Variants in POU4F3 observed in about 807,000 individuals in gnomAD.
POU4F3 encodes POU domain, class 4, transcription factor 3.
POU4F3 carries 7 observed loss-of-function variants against 22.0 expected under a neutral mutation model. The ratio of observed to expected loss-of-function variants is 0.32; its 90% CI spans 0.18 to 0.60. POU4F3 has a LOEUF of 0.60. Among genes scored for constraint, POU4F3 ranks in the 20% least tolerant of loss-of-function variants. The pLI is 0.85. For synonymous variants in POU4F3, 220 were observed against 194.5 expected, an observed-to-expected ratio of 1.13 and a Z score of -1.09; for missense variants, 457 against 467.4, an observed-to-expected ratio of 0.98 and a Z score of 0.21.
Position 146,339,192 on chromosome 5 carries a change from G to T in POU4F3, c.80G>T (p.Gly27Val), listed in dbSNP as rs1286794791. ...CCCAAATTCTCCAGTCTGCACTCTG[G>T]CTCCGAGGCCATGCGCCGAGTCTGT... ...QEPKFSSLHS[G>V]SEAMRRVCLP... Residue 27 changes from glycine (G) to valine (V), a missense_variant, in exon 1 of 2, where the codon GGC becomes GTC. Around this residue, in one of 2 missense-constraint regions of POU4F3, gnomAD observed 410 missense variants for 385.0 expected, o/e 1.06. Coordinates refer to ENST00000646991, the MANE Select transcript of POU4F3 (RefSeq NM_002700.3). The surrounding 1 kb of genome is among the most constrained non-coding windows in gnomAD (Gnocchi z 4.7). 1 of 1,614,236 alleles carries T rather than the reference G, an allele frequency of 6.2e-7. No individual in the cohort carries two copies.
At position 146,339,623 on chromosome 5, in the gene POU4F3, G is replaced by T; in HGVS notation, c.196G>T (p.Val66Phe). 1.2e-6 allele frequency: 2 copies of T among 1,614,194 alleles called. No homozygotes were observed. The highest frequency in any genetic ancestry group is 1.1e-5 in the South Asian group (1 of 91,088). The change falls in exon 2 of 2, where the codon GTC becomes TTC. Residue 66 changes from valine to phenylalanine, a missense_variant. Transcript: ENST00000646991. This position sits in a 1 kb window ranked among gnomAD's most constrained non-coding sequence, Gnocchi z 4.7. Reference sequence around the variant, plus strand: ...CGAAGCTCTGGCGGCGGTGGATATCGTCTCCCACGGCAAGAACCATCCGTT... The same window carrying T: ...CGAAGCTCTGGCGGCGGTGGATATCTTCTCCCACGGCAAGAACCATCCGTT... ...RAEALAAVDI[V>F]SHGKNHPFKP...
At position 146,340,023 on chromosome 5, in the gene POU4F3, T is replaced by G; in HGVS notation, c.596T>G (p.Ile199Ser). The G allele has an allele frequency of 6.2e-7, 1 of 1,613,874 alleles. No homozygotes were observed. The highest frequency in any genetic ancestry group is 8.5e-7 in the Non-Finnish European group (1 of 1,180,006). Residue 199 changes from isoleucine (I) to serine (S), a missense_variant, in exon 2 of 2, where the codon ATC becomes AGC. Around this residue, in one of 2 missense-constraint regions of POU4F3, gnomAD observed 410 missense variants for 385.0 expected, o/e 1.06. Transcript: ENST00000646991. ...GCCGAGCGCTTCAAGCAGCGGCGCA[T>G]CAAGCTGGGGGTGACCCAGGCGGAC... ...AFAERFKQRR[I>S]KLGVTQADVG...
chr5:146,339,324 C>T lies in POU4F3; in HGVS notation c.120+92C>T. On this transcript the variant is annotated intron_variant, in intron 1 of 1. Transcript: ENST00000646991. This position sits in a 1 kb window ranked among gnomAD's most constrained non-coding sequence, Gnocchi z 4.7. ...TTCATGTCGCCCAGAACAATCGCCGCTGTCTGAACCCCTCTCCTTGTCTCC... is the reference window on the plus strand; with the variant it reads ...TTCATGTCGCCCAGAACAATCGCCGTTGTCTGAACCCCTCTCCTTGTCTCC... 6.3e-7 allele frequency: 1 copy of T among 1,583,906 alleles called. No homozygotes were observed. Among genetic ancestry groups the T allele is most frequent in the African/African-American group, 1.3e-5 (1 of 74,364 alleles).
chr5:146,339,559 T>TTTG lies in POU4F3; in HGVS notation c.132_133insTTG (p.Asn44_Ile45insLeu). The TTTG allele has an allele frequency of 6.2e-7, 1 of 1,614,140 alleles. No individual in the cohort carries two copies. Among genetic ancestry groups the TTTG allele is most frequent in the Non-Finnish European group, 8.5e-7 (1 of 1,180,024 alleles). ...CTTCTCGCTTGCAGCTGCAGGGTAA[T>TTTG]ATATTTGGAAGCTTTGATGAGAGCC... On this transcript the variant is annotated inframe_insertion, in exon 2 of 2. Coordinates refer to ENST00000646991, the MANE Select transcript of POU4F3 (RefSeq NM_002700.3). The surrounding 1 kb of genome is among the most constrained non-coding windows in gnomAD (Gnocchi z 4.7).
Position 146,340,505 on chromosome 5 carries a change from G to A in POU4F3, c.*61G>A, listed in dbSNP as rs1466834757. The stretch of plus-strand genomic sequence containing the variant: ...CTAGTGCTCATCCCTCCCGGGTTCG[G>A]GGGATGGTTATCGGGAACTCCAAGG... On this transcript the variant is annotated 3_prime_UTR_variant, in exon 2 of 2. Coordinates refer to ENST00000646991, the MANE Select transcript of POU4F3 (RefSeq NM_002700.3). 3 of 1,604,012 alleles carry A rather than the reference G, an allele frequency of 1.9e-6. No individual in the cohort carries two copies. In the African/African-American group the frequency reaches 4.0e-5, roughly 21 times the overall value.
At position 146,338,839 on chromosome 5, in the gene POU4F3, G is replaced by C. The variant is rs558242592; in HGVS notation, c.-274G>C. 1.3e-5 allele frequency: 8 copies of C among 610,604 alleles called. No individual in the cohort carries two copies. The South Asian group carries it at 1.6e-4, about 12-fold the overall frequency. The allele number at this position is 610,604 out of a possible 1,614,324, so 37.8% of individuals were successfully genotyped here. A position where few individuals can be genotyped will look rare whatever the true frequency, so the allele number is the denominator to read the frequency against. Reference sequence around the variant, plus strand: ...AGGCTGTGGAGGGGGCGGCCGCCGCGGGCGCAGAAAGGCGCGCCGCTAGCT... The same window carrying C: ...AGGCTGTGGAGGGGGCGGCCGCCGCCGGCGCAGAAAGGCGCGCCGCTAGCT... On this transcript the variant is annotated 5_prime_UTR_variant, in exon 1 of 2. Transcript: ENST00000646991.
rs61737151 is a variant in POU4F3 at position 146,340,090 on chromosome 5, C to A, written c.663C>A (p.Gly221=). 8.7e-4 allele frequency: 1,398 copies of A among 1,614,210 alleles called. 12 individuals are homozygous for A. The African/African-American group carries it at 0.017, about 19-fold the overall frequency. Reference sequence around the variant, plus strand: ...CTAATCTCAAGATCCCCGGCGTGGGCTCGCTGAGCCAAAGCACCATCTGCA... The same window carrying A: ...CTAATCTCAAGATCCCCGGCGTGGGATCGCTGAGCCAAAGCACCATCTGCA... ...ALANLKIPGV[G]SLSQSTICRF... is the part of the protein sequence containing the mutation. Residue 221 remains glycine (G), a synonymous_variant, in exon 2 of 2, where the codon GGC becomes GGA. Coordinates refer to ENST00000646991, the MANE Select transcript of POU4F3 (RefSeq NM_002700.3).
rs2126962382 is a variant in POU4F3 at position 146,340,812 on chromosome 5, T to C, written c.*368T>C. ...CGAAGCTAGGGTGAAAATGCCACTT[T>C]GCTAAGCGCGATTAGGCAAAGGGTG... On this transcript the variant is annotated 3_prime_UTR_variant, in exon 2 of 2. Coordinates refer to ENST00000646991, the MANE Select transcript of POU4F3 (RefSeq NM_002700.3). The C allele has an allele frequency of 5.4e-6, 2 of 371,188 alleles. No individual in the cohort carries two copies. The highest frequency in any genetic ancestry group is 5.3e-5 in the South Asian group (2 of 38,080). 23.0% of individuals were successfully genotyped at this position (371,188 alleles called of 1,614,324 possible). A position where few individuals can be genotyped will look rare whatever the true frequency, so the allele number is the denominator to read the frequency against.
At position 146,338,960 on chromosome 5, in the gene POU4F3, G is replaced by A; in HGVS notation, c.-153G>A. ...GCCCTTCCTGGCAGGCTGCTTGTAA[G>A]ATGAGTGAAGAAGCAGGTGGGGGAG... On this transcript the variant is annotated 5_prime_UTR_variant, in exon 1 of 2. Transcript: ENST00000646991. 8.0e-7 allele frequency: 1 copy of A among 1,251,958 alleles called. No individual in the cohort carries two copies. The highest frequency in any genetic ancestry group is 2.0e-5 in the Admixed American group (1 of 50,462). The allele number at this position is 1,251,958 out of a possible 1,614,324, so 77.6% of individuals were successfully genotyped here.
In POU4F3 at chr5:146,340,276, G is replaced by T. The variant is rs138424542; in HGVS notation, c.849G>T (p.Ala283=). The change falls in exon 2 of 2, where the codon GCG becomes GCT. Residue 283 remains alanine, a synonymous_variant. Transcript: ENST00000646991. Reference sequence around the variant, plus strand: ...AGCGCAAACGCACGTCCATCGCGGCGCCGGAGAAGCGTTCACTCGAGGCCT... The same window carrying T: ...AGCGCAAACGCACGTCCATCGCGGCTCCGGAGAAGCGTTCACTCGAGGCCT... ...ERKRKRTSIA[A]PEKRSLEAYF... 7 of 1,614,038 alleles carry T rather than the reference G, an allele frequency of 4.3e-6. No homozygotes were observed. In the South Asian group the frequency reaches 4.4e-5, roughly 10 times the overall value.
chr5:146,339,403 G>T lies in POU4F3; in HGVS notation c.121-145G>T. 3 of 1,478,712 alleles carry T rather than the reference G, an allele frequency of 2.0e-6. No individual in the cohort carries two copies. The highest frequency in any genetic ancestry group is 2.8e-6 in the Non-Finnish European group (3 of 1,072,556). The allele number at this position is 1,478,712 out of a possible 1,614,324, so 91.6% of individuals were successfully genotyped here. A position where few individuals can be genotyped will look rare whatever the true frequency, so the allele number is the denominator to read the frequency against. The stretch of plus-strand genomic sequence containing the variant: ...TCTCATTCATGTCTCTGATCCACAC[G>T]TCTGTTCCAGCAGAGCCGCTGCCTC... On this transcript the variant is annotated intron_variant, in intron 1 of 1. Coordinates refer to ENST00000646991, the MANE Select transcript of POU4F3 (RefSeq NM_002700.3). This position sits in a 1 kb window ranked among gnomAD's most constrained non-coding sequence, Gnocchi z 4.7.
rs779372610 is a variant in POU4F3 at position 146,340,295 on chromosome 5, G to A, written c.868G>A (p.Glu290Lys). Residue 290 changes from glutamate (E) to lysine (K), a missense_variant, in exon 2 of 2, where the codon GAG becomes AAG. Coordinates refer to ENST00000646991, the MANE Select transcript of POU4F3 (RefSeq NM_002700.3). ...SIAAPEKRSL[E>K]AYFAIQPRPS... Reference sequence around the variant, plus strand: ...CGCGGCGCCGGAGAAGCGTTCACTCGAGGCCTATTTCGCTATCCAGCCACG... The same window carrying A: ...CGCGGCGCCGGAGAAGCGTTCACTCAAGGCCTATTTCGCTATCCAGCCACG... 1 of 1,614,214 alleles carries A rather than the reference G, an allele frequency of 6.2e-7. No homozygotes were observed. Among genetic ancestry groups the A allele is most frequent in the Admixed American group, 1.7e-5 (1 of 60,034 alleles).
In POU4F3 at chr5:146,339,429, CG is replaced by C; in HGVS notation, c.121-118del. The C allele has an allele frequency of 6.7e-7, 1 of 1,499,226 alleles. No individual in the cohort carries two copies. Among genetic ancestry groups the C allele is most frequent in the Non-Finnish European group, 9.2e-7 (1 of 1,087,722 alleles). 92.9% of individuals were successfully genotyped at this position (1,499,226 alleles called of 1,614,324 possible). A position where few individuals can be genotyped will look rare whatever the true frequency, so the allele number is the denominator to read the frequency against. ...TCTGTTCCAGCAGAGCCGCTGCCTC[CG>C]TATTAATTTTTATGACCTGGGCTTT... On this transcript the variant is annotated intron_variant, in intron 1 of 1. Transcript: ENST00000646991. This position sits in a 1 kb window ranked among gnomAD's most constrained non-coding sequence, Gnocchi z 4.7.
In POU4F3 at chr5:146,340,498, G is replaced by T; in HGVS notation, c.*54G>T. 1.2e-6 allele frequency: 2 copies of T among 1,607,236 alleles called. No individual in the cohort carries two copies. The highest frequency in any genetic ancestry group is 1.7e-6 in the Non-Finnish European group (2 of 1,176,916). On this transcript the variant is annotated 3_prime_UTR_variant, in exon 2 of 2. Transcript: ENST00000646991. ...GGAGAGCCTAGTGCTCATCCCTCCCGGGTTCGGGGGATGGTTATCGGGAAC... is the reference window on the plus strand; with the variant it reads ...GGAGAGCCTAGTGCTCATCCCTCCCTGGTTCGGGGGATGGTTATCGGGAAC...
chr5:146,340,471 C>G lies in POU4F3; in HGVS notation c.*27C>G, dbSNP rs1177165942. The stretch of plus-strand genomic sequence containing the variant: ...TGCGGCAGGGCGCAGCGTCGGGAGC[C>G]GGGAGAGCCTAGTGCTCATCCCTCC... On this transcript the variant is annotated 3_prime_UTR_variant, in exon 2 of 2. Coordinates refer to ENST00000646991, the MANE Select transcript of POU4F3 (RefSeq NM_002700.3). 6.2e-7 allele frequency: 1 copy of G among 1,613,002 alleles called. No homozygotes were observed. The highest frequency in any genetic ancestry group is 1.7e-5 in the Admixed American group (1 of 60,018).
At position 146,339,522 on chromosome 5, in the gene POU4F3, C is replaced by T. The variant is rs776691966; in HGVS notation, c.121-26C>T. On this transcript the variant is annotated intron_variant, in intron 1 of 1. Coordinates refer to ENST00000646991, the MANE Select transcript of POU4F3 (RefSeq NM_002700.3). The surrounding 1 kb of genome is among the most constrained non-coding windows in gnomAD (Gnocchi z 4.7). ...TGTGTTGACAGTATTCCCTACTGAC[C>T]GTGCTGTGCGCCTTCTCGCTTGCAG... 2 of 1,613,792 alleles carry T rather than the reference C, an allele frequency of 1.2e-6. No individual in the cohort carries two copies. Among genetic ancestry groups the T allele is most frequent in the African/African-American group, 1.3e-5 (1 of 74,918 alleles).
At position 146,339,065 on chromosome 5, in the gene POU4F3, CA is replaced by C. The variant is rs761953041; in HGVS notation, c.-46del. On this transcript the variant is annotated 5_prime_UTR_variant, in exon 1 of 2. Coordinates refer to ENST00000646991, the MANE Select transcript of POU4F3 (RefSeq NM_002700.3). The surrounding 1 kb of genome is among the most constrained non-coding windows in gnomAD (Gnocchi z 4.7). ...CTTGGAGAGCGGCAAGCAAGCTAGA[CA>C]AGCCTGATTCCATGTCACCCGCTGC... The C allele has an allele frequency of 3.7e-6, 6 of 1,610,372 alleles. No homozygotes were observed. In the African/African-American group the frequency reaches 8.0e-5, roughly 22 times the overall value.
Position 146,339,941 on chromosome 5 carries a change from G to T in POU4F3, c.514G>T (p.Ala172Ser), listed in dbSNP as rs763147341. The change falls in exon 2 of 2, where the codon GCC becomes TCC. Residue 172 changes from alanine to serine, a missense_variant. This residue lies in a region of POU4F3 where 410 missense variants were observed against 385.0 expected (regional missense o/e 1.06). Transcript: ENST00000646991. The surrounding 1 kb of genome is among the most constrained non-coding windows in gnomAD (Gnocchi z 4.7). ...CCCGCACACCGTGGCCCCTCATAGC[G>T]CCATGCCTGCATGCCTCAGCGACGT... Reference protein sequence around the residue: ...SHPHTVAPHSAMPACLSDVES... With the variant: ...SHPHTVAPHSSMPACLSDVES... The T allele has an allele frequency of 9.9e-6, 16 of 1,610,764 alleles. No individual in the cohort carries two copies. The highest frequency in any genetic ancestry group is 1.6e-4 in the Middle Eastern group (1 of 6,062).
At position 146,341,273 on chromosome 5, in the gene POU4F3, ACT is replaced by A. The variant is rs1243070634; in HGVS notation, c.*834_*835del. On this transcript the variant is annotated 3_prime_UTR_variant, in exon 2 of 2. Coordinates refer to ENST00000646991, the MANE Select transcript of POU4F3 (RefSeq NM_002700.3). ...TTTGTAGTATTCATAACCGTTGAGGACTCTCTGACCCCAGCTCGCTGCTCTTG... is the reference window on the plus strand; with the variant it reads ...TTTGTAGTATTCATAACCGTTGAGGACTCTGACCCCAGCTCGCTGCTCTTG... 2 of 151,976 alleles carry A rather than the reference ACT, an allele frequency of 1.3e-5. No homozygotes were observed. The highest frequency in any genetic ancestry group is 2.4e-5 in the African/African-American group (1 of 41,340). The allele number at this position is 151,976 out of a possible 1,614,324, so 9.4% of individuals were successfully genotyped here. A position where few individuals can be genotyped will look rare whatever the true frequency, so the allele number is the denominator to read the frequency against.
Sources: allele counts gnomAD v4.1 joint callset, GRCh38; gene constraint gnomAD v4.1.1; regional missense constraint gnomAD v4.1.1; non-coding constraint Gnocchi (gnomAD v3.1); transcripts MANE v1.5; gene names NCBI Gene and HGNC (gene_info 2026-07-23, HGNC 2026-07-21).